The following ABCB1 variants were observed in gnomAD, a reference collection of about 807,000 sequenced individuals.
ABCB1 encodes ATP-dependent translocase ABCB1.
A neutral mutation model predicts 142.0 loss-of-function variants in ABCB1; 69 were observed. The observed-to-expected ratio is 0.49, with a 90% confidence interval of 0.40 to 0.59. The LOEUF (loss-of-function observed/expected upper bound fraction) is 0.59, where lower values mean the gene tolerates loss of function less well. Ranked by LOEUF, ABCB1 falls within the 20% of genes least tolerant of loss-of-function variation. The pLI is 0.00. For synonymous variants in ABCB1, 532 were observed against 539.2 expected (o/e 0.99, Z 0.18); for missense variants, 1,326 against 1,554.7 (o/e 0.85, Z 2.47).
upstream of ABCB1, among the ~76,000 whole-genome samples, chr7:87,604,862 A>T (rs1229057575): frequency 6.6e-6 from 1 of 152,192 alleles, no homozygotes; most frequent in Non-Finnish European, 1.5e-5. Context: ...ACAGCCAGAA[A>T]TATTTTCTAC....
chr7:87,504,112 C>T lies in ABCB1; in HGVS notation c.*131G>A, dbSNP rs1302339541. The T allele has an allele frequency of 1.6e-6, 2 of 1,217,286 alleles. No homozygotes were observed. The highest frequency in any genetic ancestry group is 2.3e-6 in the Non-Finnish European group (2 of 853,018). 75.4% of individuals were successfully genotyped at this position (1,217,286 alleles called of 1,614,324 possible). ...CCTTTAATTACGAAGTCTCTGAAGA[C>T]TCTGAACTTGACTGAGGAAATGTTA... On this transcript the variant is annotated 3_prime_UTR_variant, in exon 28 of 28. Coordinates refer to ENST00000622132, the MANE Select transcript of ABCB1 (RefSeq NM_001348946.2).
chr7:87,666,306 C>G (rs1301982237), intron 1 of ABCB1, among the ~76,000 whole-genome samples: 1 of 152,048 alleles, frequency 6.6e-6, no homozygotes, highest in African/African-American at 2.4e-5. Context: ...AGTGTCTGTT[C>G]ATGTCTTTTG....
chr7:87,659,462 A>C (rs1824469935), intron 1 of ABCB1, among the ~76,000 whole-genome samples: 1 of 152,094 alleles, frequency 6.6e-6, no homozygotes, highest in South Asian at 2.1e-4. Flanking sequence ...TAAAAATCTT[A>C]CCTTTCTTTA....
chr7:87,531,776 C>T (rs1816067775), intron 20 of ABCB1: 2 of 395,898 alleles, frequency 5.1e-6, no homozygotes, highest in South Asian at 5.5e-5. Flanking sequence ...ATCACGGCAA[C>T]ATTACTAAAG....
chr7:87,639,369 G>A (rs922682892), intron 1 of ABCB1, among the ~76,000 whole-genome samples: 1 of 152,074 alleles, frequency 6.6e-6, no homozygotes, highest in Non-Finnish European at 1.5e-5. Flanking sequence ...TGTGTATTCT[G>A]TCATTGTTGA....
intron 1 of ABCB1, among the ~76,000 whole-genome samples, chr7:87,645,375 C>T (rs895699576): frequency 6.6e-5 from 10 of 152,076 alleles, no homozygotes; most frequent in African/African-American, 1.7e-4. Context: ...TGAGCCACCA[C>T]GCCTGGCCCA....
intron 1 of ABCB1, among the ~76,000 whole-genome samples, chr7:87,616,572 A>G (rs1426491875): frequency 1.3e-5 from 2 of 152,226 alleles, no homozygotes; most frequent in Non-Finnish European, 1.5e-5. Flanking sequence ...CACTTGCTAC[A>G]CATCATGCCC....
chr7:87,570,077 T>G, intron 5 of ABCB1, 95 bp downstream of exon 5: 1 of 1,145,470 alleles, frequency 8.7e-7, no homozygotes, highest in Non-Finnish European at 1.3e-6. Flanking sequence ...TTGTTCTCCT[T>G]AAAATTTCTG....
chr7:87,543,539 T>C (rs535713383), intron 17 of ABCB1, among the ~76,000 whole-genome samples: 2 of 152,274 alleles, frequency 1.3e-5, no homozygotes, highest in African/African-American at 2.4e-5. Flanking sequence ...TTTGGACATA[T>C]GTCACTAAAC....
chr7:87,545,962 G>A lies in ABCB1; in HGVS notation c.1788C>T (p.Asp596=), dbSNP rs201194764. Residue 596 remains aspartate (D), a synonymous_variant, in exon 15 of 28, where the codon GAC becomes GAT. Coordinates refer to ENST00000622132, the MANE Select transcript of ABCB1 (RefSeq NM_001348946.2). ...AHRLSTVRNA[D]VIAGFDDGVI... ...CTCCATCATCGAAACCAGCGATGAC[G>A]TCAGCATTACGAACTGTAGACAAAC... 247 of 1,613,950 alleles carry A rather than the reference G, an allele frequency of 1.5e-4. 1 individual carries two copies. Among genetic ancestry groups the A allele is most frequent in the Non-Finnish European group, 1.8e-4 (207 of 1,180,000 alleles).
At chr7:87,586,912 T>C (rs894382070) in intron 3 of ABCB1, among the ~76,000 whole-genome samples, 17 of 152,160 alleles carry the variant, frequency 1.1e-4, no homozygotes, top group African/African-American at 4.1e-4. Context: ...GAGTATCTAA[T>C]AGATACTTAA....
chr7:87,681,910 C>T (rs1183098567), intron 1 of ABCB1, among the ~76,000 whole-genome samples: 1 of 152,184 alleles, frequency 6.6e-6, no homozygotes, highest in East Asian at 1.9e-4. Context: ...AGGTTTCTCT[C>T]TAGCATGCAA....
rs118074626 is a variant in ABCB1 at position 87,672,893 on chromosome 7, A to C, written c.-331+40268T>G. ...CATGGGTCAAGTTGTTTCCTTGATTAATCCCAATGTGAGTACCTGGATGTT... is the reference window on the plus strand; with the variant it reads ...CATGGGTCAAGTTGTTTCCTTGATTCATCCCAATGTGAGTACCTGGATGTT... On this transcript the variant is annotated intron_variant, in intron 1 of 28. Coordinates refer to the ABCB1 transcript ENST00000265724. 4.9e-4 allele frequency among the ~76,000 whole-genome samples: 75 copies of C among 152,228 alleles called. No individual in the cohort carries two copies. The East Asian group carries it at 9.5e-3, about 19-fold the overall frequency.
chr7:87,521,767 C>T (rs534214813), intron 21 of ABCB1: 11 of 839,048 alleles, frequency 1.3e-5, no homozygotes, highest in African/African-American at 3.3e-5. Flanking sequence ...AGATGCCCAC[C>T]CAACTGTGAA....
chr7:87,648,641 T>C (rs1823265424), intron 1 of ABCB1, among the ~76,000 whole-genome samples: 1 of 152,192 alleles, frequency 6.6e-6, no homozygotes, highest in Admixed American at 6.5e-5. Context: ...AGTAAAACAC[T>C]TGAATTCTCA....
chr7:87,621,862 C>A (rs1273504976), intron 1 of ABCB1, among the ~76,000 whole-genome samples: 1 of 152,024 alleles, frequency 6.6e-6, no homozygotes. Flanking sequence ...TATTAAAATG[C>A]AACCTTGTTA....
chr7:87,548,688 T>C (rs1444402863), intron 14 of ABCB1, among the ~76,000 whole-genome samples: 1 of 152,166 alleles, frequency 6.6e-6, no homozygotes, highest in Non-Finnish European at 1.5e-5. Flanking sequence ...CTCACAGAAT[T>C]ATCCCCGTTA....
Position 87,642,308 on chromosome 7 carries a change from T to C in ABCB1, c.-330-41230A>G, listed in dbSNP as rs568260492. ...GTAGCATTCTAGTGTTGATAAACCA[T>C]GAAGACTATATGTTATGGTTTTTTT... is the stretch of plus-strand genomic sequence containing the variant. On this transcript the variant is annotated intron_variant, in intron 1 of 28. Coordinates refer to the ABCB1 transcript ENST00000265724. Among the ~76,000 whole-genome samples the C allele has an allele frequency of 6.6e-5, 10 of 152,220 alleles. No homozygotes were observed. In the South Asian group the frequency reaches 2.1e-3, roughly 32 times the overall value.
chr7:87,634,447 C>A (rs1386936451), intron 1 of ABCB1, among the ~76,000 whole-genome samples: 1 of 146,208 alleles, frequency 6.8e-6, no homozygotes, highest in African/African-American at 2.6e-5. Context: ...CATGGTGAAA[C>A]CCCGTCTCTA....
Sources: allele counts gnomAD v4.1 joint callset (sites outside exome capture counted in the v4.1 genomes callset), GRCh38; gene constraint gnomAD v4.1.1; transcripts MANE v1.5; gene names NCBI Gene and HGNC (gene_info 2026-07-23, HGNC 2026-07-21).